PLD1: variants seen among roughly 807,000 people sequenced by gnomAD.
The protein encoded by PLD1 is phospholipase D1, also known as choline phosphatase 1.
PLD1 carries 112 observed loss-of-function variants against 137.1 expected under a neutral mutation model. The observed-to-expected ratio is 0.82, with a 90% CI of 0.70 to 0.96. The LOEUF (loss-of-function observed/expected upper bound fraction) is 0.96. Ranked by LOEUF, PLD1 falls within the 40% of genes least tolerant of loss-of-function variation. The pLI is 0.00. For missense variants in PLD1, 1,321 were observed against 1,342.0 expected (o/e 0.98, Z 0.24); for synonymous variants, 431 against 454.7 (o/e 0.95, Z 0.66).
chr3:171,703,331 G>A (rs959236479), intron 11 of PLD1, among the ~76,000 whole-genome samples: 1 of 152,150 alleles, frequency 6.6e-6, no homozygotes, highest in African/African-American at 2.4e-5. Flanking sequence ...GGTGATACTA[G>A]CCAATGCAAC....
chr3:171,686,495 T>G (rs1368406250), intron 16 of PLD1, among the ~76,000 whole-genome samples, 190 bp downstream of exon 16: 1 of 152,262 alleles, frequency 6.6e-6, no homozygotes, highest in African/African-American at 2.4e-5. Flanking sequence ...TTTGCTGCTA[T>G]AAGTTCTTAG....
chr3:171,601,073 A>C lies in PLD1; in HGVS notation c.*2005T>G, dbSNP rs775026939. ...TGAATTCTGTTTACTGCATATCCTC[A>C]TTCTTGGGCAATGATAAAGTGAAGA... On this transcript the variant is annotated 3_prime_UTR_variant, in exon 27 of 27. Coordinates refer to ENST00000351298, the MANE Select transcript of PLD1 (RefSeq NM_002662.5). The C allele has an allele frequency of 1.3e-5, 2 of 152,212 alleles. No homozygotes were observed. Among genetic ancestry groups the C allele is most frequent in the African/African-American group, 4.8e-5 (2 of 41,460 alleles). 9.4% of individuals were successfully genotyped at this position (152,212 alleles called of 1,614,324 possible). A position where few individuals can be genotyped will look rare whatever the true frequency, so the allele number is the denominator to read the frequency against.
rs1560288803 is a variant in PLD1 at position 171,764,897 on chromosome 3, AAGGAAGGAAGGAAG to A, written c.-31-26829_-31-26816del. On this transcript the variant is annotated intron_variant, in intron 1 of 26. Coordinates refer to ENST00000351298, the MANE Select transcript of PLD1 (RefSeq NM_002662.5). Reference sequence around the variant, plus strand: ...AAAGAAAGAAAGAAAGAAAGAAAGGAAGGAAGGAAGGAAGGAAAGAAAGAAAGGAAAGAAAGGAA... The same window carrying A: ...AAAGAAAGAAAGAAAGAAAGAAAGGAGAAAGAAAGAAAGGAAAGAAAGGAA... Among the ~76,000 whole-genome samples, 48 of 28,066 alleles carry A rather than the reference AAGGAAGGAAGGAAG, an allele frequency of 1.7e-3. 4 individuals carry two copies. The highest frequency in any genetic ancestry group is 2.9e-3 in the Non-Finnish European group (38 of 12,936). The allele number at this position is 28,066 out of a possible 152,430, so 18.4% of individuals were successfully genotyped here.
chr3:171,788,250 CTTTTTTTT>C (rs58878929), intron 1 of PLD1, among the ~76,000 whole-genome samples: 5 of 110,560 alleles, frequency 4.5e-5, no homozygotes, highest in Admixed American at 1.1e-4. Context: ...ATCTGCACTT[CTTTTTTTT>C]TTTTTTTTTT....
intron 1 of PLD1, among the ~76,000 whole-genome samples, chr3:171,758,137 A>T (rs6778547): frequency 1.3e-3 from 194 of 152,354 alleles, no homozygotes; most frequent in African/African-American, 4.4e-3. Context: ...CTAATAGCTA[A>T]TAGTTAGCAA....
At chr3:171,639,820 T>TTCTCTCTC (rs778938858) in intron 23 of PLD1, among the ~76,000 whole-genome samples, 2,321 of 117,944 alleles carry the variant, frequency 0.02, 51 homozygotes, top group Non-Finnish European at 0.027. Flanking sequence ...TTTACATAAT[T>TTCTCTCTC]TCTCTCTCTC....
chr3:171,754,279 C>T (rs1462846896), intron 1 of PLD1, among the ~76,000 whole-genome samples: 1 of 152,186 alleles, frequency 6.6e-6, no homozygotes, highest in Non-Finnish European at 1.5e-5. Context: ...TAGAACTGCT[C>T]ACAGTTTGGG....
Position 171,755,845 on chromosome 3 carries a change from C to A in PLD1, c.-31-17763G>T, listed in dbSNP as rs866318832. Among the ~76,000 whole-genome samples the A allele has an allele frequency of 1.9e-4, 29 of 152,304 alleles. No individual in the cohort carries two copies. The Middle Eastern group carries it at 0.01, about 54-fold the overall frequency. ...TATCTATCCAGCTGCCTAGGAACTT[C>A]CCCACTGGGTGATCCCATAGAGCAT... On this transcript the variant is annotated intron_variant, in intron 1 of 26. Transcript: ENST00000351298.
At chr3:171,757,362 A>G (rs1252161417) in intron 1 of PLD1, among the ~76,000 whole-genome samples, 1 of 152,188 alleles carries the variant, frequency 6.6e-6, no homozygotes, top group African/African-American at 2.4e-5. Context: ...TCAGATAAAG[A>G]AAAGAGAAAT....
chr3:171,728,521 C>T (rs1269596325), intron 6 of PLD1, among the ~76,000 whole-genome samples: 1 of 152,180 alleles, frequency 6.6e-6, no homozygotes, highest in Non-Finnish European at 1.5e-5. Flanking sequence ...TAACTTTTAT[C>T]TCTGGAGAGC....
chr3:171,652,294 T>G (rs1736832530), intron 21 of PLD1, among the ~76,000 whole-genome samples: 1 of 151,414 alleles, frequency 6.6e-6, no homozygotes, highest in South Asian at 2.1e-4. Flanking sequence ...GCACCTGTAG[T>G]CCCAGCTACT....
chr3:171,778,789 A>G (rs1722674953), intron 1 of PLD1, among the ~76,000 whole-genome samples: 1 of 152,262 alleles, frequency 6.6e-6, no homozygotes, highest in Non-Finnish European at 1.5e-5. Flanking sequence ...ACCATTGCAT[A>G]GTTTCATTTA....
chr3:171,677,804 A>T, intron 16 of PLD1, 110 bp from the exon 17 acceptor site: 1 of 1,052,468 alleles, frequency 9.5e-7, no homozygotes, highest in Non-Finnish European at 1.4e-6. Flanking sequence ...TTCTTAAGAC[A>T]CAACTAGGGT....
Position 171,676,115 on chromosome 3 carries a change from TAC to T in PLD1, c.2115+598_2115+599del, listed in dbSNP as rs1443008376. 3.9e-5 allele frequency among the ~76,000 whole-genome samples: 6 copies of T among 152,196 alleles called. No individual in the cohort carries two copies. The South Asian group carries it at 1.0e-3, about 26-fold the overall frequency. ...CCTAGGCCTCCCAAAGTGCCAGGAT[TAC>T]AGTCGTGGGCCACCGTGCCTGGCCT... is the stretch of plus-strand genomic sequence containing the variant. On this transcript the variant is annotated intron_variant, in intron 18 of 26. Transcript: ENST00000351298.
intron 1 of PLD1, among the ~76,000 whole-genome samples, chr3:171,777,309 T>G (rs1186041748): frequency 2.0e-5 from 3 of 152,220 alleles, no homozygotes; most frequent in Non-Finnish European, 4.4e-5. Flanking sequence ...GGAGAGCTGG[T>G]CTTCCTACTG....
chr3:171,668,471 G>A (rs890491965), intron 19 of PLD1, among the ~76,000 whole-genome samples: 3 of 152,122 alleles, frequency 2.0e-5, no homozygotes, highest in Admixed American at 6.5e-5. Flanking sequence ...TATTCCAAGC[G>A]TGAAAACAAT....
At chr3:171,734,806 T>C (rs1719225446) in intron 5 of PLD1, 59 bp downstream of exon 5, 28 of 991,330 alleles carry the variant, frequency 2.8e-5, no homozygotes, top group Non-Finnish European at 4.5e-5. Context: ...CAGTAGATGC[T>C]GTGTTTCTAC....
intron 1 of PLD1, among the ~76,000 whole-genome samples, chr3:171,805,713 T>TA (rs972584889): frequency 2.6e-5 from 4 of 152,256 alleles, no homozygotes; most frequent in Admixed American, 6.5e-5. Context: ...GAAATGGAAA[T>TA]AAAAAAACCT....
intron 11 of PLD1, among the ~76,000 whole-genome samples, chr3:171,704,184 G>A (rs1716475523): frequency 6.6e-6 from 1 of 152,094 alleles, no homozygotes. Context: ...CTGAGGAATA[G>A]ACCACCACCG....
Sources: allele counts gnomAD v4.1 joint callset (sites outside exome capture counted in the v4.1 genomes callset), GRCh38; gene constraint gnomAD v4.1.1; transcripts MANE v1.5; gene names NCBI Gene and HGNC (gene_info 2026-07-23, HGNC 2026-07-21).